IL21R: variants seen among roughly 807,000 people sequenced by gnomAD.
The protein encoded by IL21R is interleukin 21 receptor, also known as interleukin-21 receptor.
IL21R carries 14 observed loss-of-function variants against 41.3 expected under a neutral mutation model. The observed-to-expected ratio is 0.34, with a 90% CI of 0.22 to 0.53. IL21R has a LOEUF of 0.53. Among genes scored for constraint, IL21R ranks in the 20% least tolerant of loss-of-function variants. IL21R has a pLI of 0.94. For missense variants in IL21R, 588 were observed against 681.6 expected (o/e 0.86, Z 1.53); for synonymous variants, 286 against 287.6 (o/e 0.99, Z 0.05).
intron 3 of IL21R, among the ~76,000 whole-genome samples, chr16:27,434,758 A>G (rs997871643): frequency 7.9e-5 from 12 of 152,044 alleles, no homozygotes; most frequent in African/African-American, 1.7e-4. Flanking sequence ...GTCACCCCCA[A>G]CCCTCACAAT....
intron 2 of IL21R, among the ~76,000 whole-genome samples, chr16:27,431,656 G>C (rs918972201): frequency 1.5e-4 from 23 of 151,666 alleles, no homozygotes; most frequent in Non-Finnish European, 2.9e-4. Context: ...GCCCATCTTT[G>C]CTTTTTTTTT....
chr16:27,436,610 C>CA (rs1268974283), intron 3 of IL21R, among the ~76,000 whole-genome samples: 1 of 152,166 alleles, frequency 6.6e-6, no homozygotes. Flanking sequence ...ATCCGGTAAA[C>CA]TACTATACAT....
chr16:27,425,060 A>T (rs950423093), intron 1 of IL21R, among the ~76,000 whole-genome samples: 3 of 152,132 alleles, frequency 2.0e-5, no homozygotes, highest in African/African-American at 7.2e-5. Flanking sequence ...CGCCCCCATG[A>T]TCCAATCACC....
chr16:27,449,297 A>C lies in IL21R; in HGVS notation c.*14A>C, dbSNP rs771983722. Reference sequence around the variant, plus strand: ...CAGGCCAGCTAATGAGGCTGACTGGATGTCCAGAGCTGGCCAGGCCACTGG... The same window carrying C: ...CAGGCCAGCTAATGAGGCTGACTGGCTGTCCAGAGCTGGCCAGGCCACTGG... On this transcript the variant is annotated 3_prime_UTR_variant, in exon 9 of 9. Transcript: ENST00000337929. 1 of 1,578,230 alleles carries C rather than the reference A, an allele frequency of 6.3e-7. No individual in the cohort carries two copies.
chr16:27,442,805 C>A, intron 4 of IL21R, 157 bp from the exon 5 acceptor site: 1 of 617,146 alleles, frequency 1.6e-6, no homozygotes, highest in East Asian at 2.9e-5. Context: ...GAGTACTTTG[C>A]CCAAAGTCAC....
chr16:27,443,252 C>G (rs989260649), intron 5 of IL21R, 136 bp downstream of exon 5: 51 of 690,574 alleles, frequency 7.4e-5, no homozygotes, highest in Non-Finnish European at 1.0e-4. Context: ...CGAGCACTCC[C>G]TTACAGCGGG....
intron 1 of IL21R, among the ~76,000 whole-genome samples, chr16:27,416,775 C>T (rs1340214913): frequency 6.6e-6 from 1 of 152,130 alleles, no homozygotes; most frequent in African/African-American, 2.4e-5. Context: ...CTCTCTATCC[C>T]CCCTCCCCTC....
intron 1 of IL21R, among the ~76,000 whole-genome samples, chr16:27,424,756 C>G (rs979204863): frequency 6.6e-6 from 1 of 152,124 alleles, no homozygotes; most frequent in African/African-American, 2.4e-5. Context: ...TGTGTCAGGC[C>G]ATTCTTGCAT....
intron 1 of IL21R, among the ~76,000 whole-genome samples, chr16:27,425,568 T>TTTA: frequency 6.6e-6 from 1 of 151,934 alleles, no homozygotes; most frequent in African/African-American, 2.4e-5. Context: ...TGTTTTTTTT[T>TTTA]GAGACAGAGT....
At chr16:27,404,197 G>T (rs972754519) in intron 1 of IL21R, among the ~76,000 whole-genome samples, 1 of 152,120 alleles carries the variant, frequency 6.6e-6, no homozygotes, top group African/African-American at 2.4e-5. Context: ...TGTCCTGCCC[G>T]CTCCTCTGCC....
At chr16:27,437,406 T>C (rs996276541) in intron 3 of IL21R, 82 bp from the exon 4 acceptor site, 1 of 1,152,144 alleles carries the variant, frequency 8.7e-7, no homozygotes, top group Admixed American at 1.7e-5. Flanking sequence ...TCTGGGCTTC[T>C]GCCCTGGCCC....
chr16:27,440,149 C>G (rs1220739247), intron 4 of IL21R, among the ~76,000 whole-genome samples: 1 of 149,744 alleles, frequency 6.7e-6, no homozygotes, highest in Non-Finnish European at 1.5e-5. Flanking sequence ...GCCCTCAGTG[C>G]GGGTTTCAGG....
chr16:27,418,215 G>A (rs1458649195), intron 1 of IL21R, among the ~76,000 whole-genome samples: 3 of 150,978 alleles, frequency 2.0e-5, no homozygotes, highest in South Asian at 2.1e-4. Flanking sequence ...GACTACAGGC[G>A]CCTGCCACTG....
intron 2 of IL21R, among the ~76,000 whole-genome samples, chr16:27,430,665 A>G (rs1247749903): frequency 6.6e-6 from 1 of 152,166 alleles, no homozygotes; most frequent in African/African-American, 2.4e-5. Flanking sequence ...AAGAAAAAAA[A>G]TTAGCCAGGC....
At chr16:27,403,925 C>T (rs2086700502) in intron 1 of IL21R, among the ~76,000 whole-genome samples, 1 of 152,204 alleles carries the variant, frequency 6.6e-6, no homozygotes, top group South Asian at 2.1e-4. Context: ...TCACAGATGA[C>T]AAGAGTGAGG....
At chr16:27,434,642 C>T (rs1469755767) in intron 3 of IL21R, among the ~76,000 whole-genome samples, 193 bp downstream of exon 3, 1 of 152,194 alleles carries the variant, frequency 6.6e-6, no homozygotes, top group Non-Finnish European at 1.5e-5. Flanking sequence ...CACTCTCTCA[C>T]CCACACAGGT....
At chr16:27,446,805 C>T (rs933766600) in intron 8 of IL21R, among the ~76,000 whole-genome samples, 24 of 152,100 alleles carry the variant, frequency 1.6e-4, no homozygotes, top group African/African-American at 5.8e-4. Context: ...ATTTGCCAAG[C>T]CTCCAACTCA....
intron 1 of IL21R, among the ~76,000 whole-genome samples, chr16:27,418,689 C>A (rs2086946914): frequency 6.6e-6 from 1 of 151,990 alleles, no homozygotes; most frequent in African/African-American, 2.4e-5. Flanking sequence ...TCTTTATAAA[C>A]ATTTTAACTT....
chr16:27,419,617 G>A (rs1410447634), intron 1 of IL21R, among the ~76,000 whole-genome samples: 3 of 152,180 alleles, frequency 2.0e-5, no homozygotes, highest in East Asian at 1.9e-4. Flanking sequence ...TAGTAGAGAT[G>A]GGGTTTCACC....
Sources: allele counts gnomAD v4.1 joint callset (sites outside exome capture counted in the v4.1 genomes callset), GRCh38; gene constraint gnomAD v4.1.1; transcripts MANE v1.5; gene names NCBI Gene and HGNC (gene_info 2026-07-23, HGNC 2026-07-21).